Variants in ADGRF5 observed in about 807,000 individuals in gnomAD.
The protein encoded by ADGRF5 is G-protein coupled receptor 116.
ADGRF5 carries 75 observed loss-of-function variants against 132.3 expected under a neutral mutation model. The observed-to-expected ratio is 0.57, with a 90% confidence interval of 0.47 to 0.69. The LOEUF is 0.69. Among genes scored for constraint, ADGRF5 ranks in the 30% least tolerant of loss-of-function variants. The pLI is 0.00. For synonymous variants in ADGRF5, 629 were observed against 597.6 expected (o/e 1.05, Z -0.77); for missense variants, 1,516 against 1,630.6 (o/e 0.93, Z 1.21).
In ADGRF5 at chr6:46,888,544, T is replaced by C. The variant is rs771913189; in HGVS notation, c.158-39A>G. 2.1e-5 allele frequency: 30 copies of C among 1,418,708 alleles called. No homozygotes were observed. The African/African-American group carries it at 3.7e-4, about 18-fold the overall frequency. The allele number at this position is 1,418,708 out of a possible 1,614,324, so 87.9% of individuals were successfully genotyped here. ...ACATGAAGGCTGAGAGAACTTACCA[T>C]GGGAGATGGAGTAAGATCATGATGG... On this transcript the variant is annotated intron_variant, in intron 3 of 20. Transcript: ENST00000283296.
intron 1 of ADGRF5, among the ~76,000 whole-genome samples, chr6:46,951,899 C>G (rs544195176): frequency 6.6e-6 from 1 of 152,312 alleles, no homozygotes; most frequent in East Asian, 1.9e-4. Flanking sequence ...AAATGGCTCT[C>G]TTAAGATCTC....
At chr6:46,900,129 C>T (rs1277686623) in intron 2 of ADGRF5, 46 bp from the exon 3 acceptor site, 1 of 1,409,732 alleles carries the variant, frequency 7.1e-7, no homozygotes, top group Non-Finnish European at 1.0e-6. Context: ...TTAGAGAAGT[C>T]TTTTCACTGT....
At chr6:46,925,427 T>C (rs1248032298), upstream of ADGRF5, among the ~76,000 whole-genome samples, 1 of 152,190 alleles carries the variant, frequency 6.6e-6, no homozygotes, top group Non-Finnish European at 1.5e-5. Context: ...CTTTTAAATT[T>C]TGCTGGAGTC....
At chr6:46,860,281 A>T (rs754034699) in intron 16 of ADGRF5, among the ~76,000 whole-genome samples, 2 of 152,146 alleles carry the variant, frequency 1.3e-5, no homozygotes, top group Non-Finnish European at 2.9e-5. Flanking sequence ...CTCTGTAGGT[A>T]TCCCTTCATT....
chr6:46,923,163 G>C (rs1329981667), upstream of ADGRF5, among the ~76,000 whole-genome samples: 2 of 152,166 alleles, frequency 1.3e-5, no homozygotes, highest in African/African-American at 2.4e-5. Flanking sequence ...CTGACCTCAG[G>C]TAATCCCCAG....
chr6:46,903,314 G>A (rs919208567), intron 2 of ADGRF5, among the ~76,000 whole-genome samples: 3 of 152,178 alleles, frequency 2.0e-5, no homozygotes, highest in Admixed American at 1.3e-4. Flanking sequence ...CTCCATCTGT[G>A]TAGAGGTCCC....
rs1769261469 is a variant in ADGRF5, at chr6:46,858,076, A to T, written c.3774+53T>A. On this transcript the variant is annotated intron_variant, in intron 17 of 20. Coordinates refer to ENST00000283296, the MANE Select transcript of ADGRF5 (RefSeq NM_001098518.2). ...ACTCTTGTTTGTGTTTCTATCATTA[A>T]TTTGTCCTACAGGAATAAAATCTTC... 3 of 1,333,316 alleles carry T rather than the reference A, an allele frequency of 2.3e-6. No homozygotes were observed. The African/African-American group carries it at 4.4e-5, about 20-fold the overall frequency. 82.6% of individuals were successfully genotyped at this position (1,333,316 alleles called of 1,614,324 possible). A position where few individuals can be genotyped will look rare whatever the true frequency, so the allele number is the denominator to read the frequency against.
chr6:46,878,176 C>T lies in ADGRF5; in HGVS notation c.1240+26G>A, dbSNP rs769120043. The T allele has an allele frequency of 1.5e-5, 23 of 1,521,638 alleles. No individual in the cohort carries two copies. The East Asian group carries it at 1.8e-4, about 12-fold the overall frequency. 94.3% of individuals were successfully genotyped at this position (1,521,638 alleles called of 1,614,324 possible). Reference sequence around the variant, plus strand: ...TGGCCAAGAGGCAAAAACCTATTTGCAAAAGGGCTTATCTAACATTCTCAC... The same window carrying T: ...TGGCCAAGAGGCAAAAACCTATTTGTAAAAGGGCTTATCTAACATTCTCAC... On this transcript the variant is annotated intron_variant, in intron 10 of 20. Transcript: ENST00000283296.
At chr6:46,948,261 A>G (rs1402867785) in intron 1 of ADGRF5, among the ~76,000 whole-genome samples, 1 of 152,204 alleles carries the variant, frequency 6.6e-6, no homozygotes, top group Non-Finnish European at 1.5e-5. Flanking sequence ...TCTTGTAAGA[A>G]GCTCAAAACA....
intron 2 of ADGRF5, among the ~76,000 whole-genome samples, chr6:46,906,308 G>A (rs1366311571): frequency 6.6e-6 from 1 of 152,136 alleles, no homozygotes; most frequent in Admixed American, 6.5e-5. Flanking sequence ...CTTCAAATCT[G>A]CTTTGTTGTT....
At chr6:46,925,355 T>C (rs1298441331), upstream of ADGRF5, among the ~76,000 whole-genome samples, 1 of 152,230 alleles carries the variant, frequency 6.6e-6, no homozygotes, top group Admixed American at 6.5e-5. Flanking sequence ...TTACATTTCA[T>C]CACTCCACAT....
intron 14 of ADGRF5, chr6:46,863,298 T>C (rs1422658379): frequency 1.2e-5 from 8 of 671,226 alleles, no homozygotes; most frequent in African/African-American, 8.8e-5. Flanking sequence ...ACCTGACTTC[T>C]GTAATCGGAA....
At chr6:46,943,936 A>G (rs896463639) in intron 1 of ADGRF5, among the ~76,000 whole-genome samples, 3 of 152,206 alleles carry the variant, frequency 2.0e-5, no homozygotes, top group Non-Finnish European at 2.9e-5. Context: ...ATAAGCCTGG[A>G]CTGCAAAATC....
chr6:46,930,261 T>C (rs1340145848), intron 1 of ADGRF5, among the ~76,000 whole-genome samples: 1 of 152,208 alleles, frequency 6.6e-6, no homozygotes, highest in Non-Finnish European at 1.5e-5. Flanking sequence ...GTATAAACTG[T>C]CACTTCTGTA....
At chr6:46,855,132 A>G (rs55904299) in intron 20 of ADGRF5, among the ~76,000 whole-genome samples, 5,825 of 152,282 alleles carry the variant, frequency 0.038, 122 homozygotes, top group African/African-American at 0.053. Flanking sequence ...CTGTTGCCCA[A>G]AGTTATTAAT....
chr6:46,898,788 A>G (rs986502263), intron 3 of ADGRF5, among the ~76,000 whole-genome samples: 4 of 152,186 alleles, frequency 2.6e-5, no homozygotes, highest in African/African-American at 9.6e-5. Flanking sequence ...CAAGTCACAC[A>G]TGGCTGAAAA....
chr6:46,949,284 A>G (rs1157946614), intron 1 of ADGRF5, among the ~76,000 whole-genome samples: 2 of 152,236 alleles, frequency 1.3e-5, no homozygotes, highest in Non-Finnish European at 2.9e-5. Context: ...CTGCCCAAGC[A>G]TGGTCAGAAA....
intron 8 of ADGRF5, 138 bp downstream of exon 8, chr6:46,881,317 G>GAGT: frequency 1.5e-6 from 1 of 680,628 alleles, no homozygotes; most frequent in Non-Finnish European, 2.6e-6. Context: ...ACTGGCATAA[G>GAGT]AGGAGGAGGT....
At chr6:46,870,128 C>T (rs1228147219) in intron 11 of ADGRF5, among the ~76,000 whole-genome samples, 2 of 151,876 alleles carry the variant, frequency 1.3e-5, no homozygotes, top group Non-Finnish European at 2.9e-5. Context: ...GGCCTACTTA[C>T]CCAGTCAGTG....
Sources: gnomAD v4.1 joint callset for allele counts (sites outside exome capture counted in the v4.1 genomes callset) on GRCh38, gnomAD v4.1.1 for gene constraint, MANE v1.5 for transcripts, NCBI Gene and HGNC (gene_info 2026-07-23, HGNC 2026-07-21) for gene names.